XKRX: variants seen among roughly 807,000 people sequenced by gnomAD.
XKRX encodes XK related X-linked, also known as XK-related protein 2.
Under a neutral mutation model 22.4 loss-of-function variants are expected in XKRX, and 11 were observed. The ratio of observed to expected loss-of-function variants is 0.49; its 90% CI spans 0.31 to 0.81. The LOEUF (loss-of-function observed/expected upper bound fraction) is 0.81, where lower values mean the gene tolerates loss of function less well. Ranked by LOEUF, XKRX falls within the 40% of genes least tolerant of loss-of-function variation. The pLI, the probability that XKRX is intolerant of heterozygous loss-of-function variation, is 0.05. For synonymous variants in XKRX, 114 were observed against 132.2 expected (o/e 0.86, Z 0.94); for missense variants, 320 against 336.5 (o/e 0.95, Z 0.38).
At chrX:100,918,859 C>T (rs1322405746) in intron 2 of XKRX, among the ~76,000 whole-genome samples, 2 of 110,126 alleles carry the variant, frequency 1.8e-5, no homozygotes, top group African/African-American at 3.3e-5. Flanking sequence ...TCATCTTCAT[C>T]ATCCCCCTAT....
intron 1 of XKRX, among the ~76,000 whole-genome samples, chrX:100,924,996 CAA>C (rs2085492217): frequency 9.0e-6 from 1 of 111,613 alleles, no homozygotes; most frequent in African/African-American, 3.3e-5. Flanking sequence ...CTTCTAGGGA[CAA>C]ACTCTAAGAC....
chrX:100,921,429 G>T (rs895458905), intron 2 of XKRX, among the ~76,000 whole-genome samples: 3 of 111,844 alleles, frequency 2.7e-5, no homozygotes, highest in African/African-American at 9.7e-5. Flanking sequence ...TATGTGAAAA[G>T]CTTCAAGACC....
At chrX:100,909,597 A>G (rs1416120282), downstream of XKRX, among the ~76,000 whole-genome samples, 3 of 111,793 alleles carry the variant, frequency 2.7e-5, no homozygotes, top group African/African-American at 6.5e-5. Context: ...GGTTGTTGTG[A>G]GGATCGAATG....
the XKRX span, among the ~76,000 whole-genome samples, chrX:100,955,131 C>A: frequency 9.0e-6 from 1 of 110,596 alleles, no homozygotes; most frequent in African/African-American, 3.3e-5. Flanking sequence ...CTGGTGTGGG[C>A]GTGGACAGGA....
chrX:100,921,129 C>T (rs2085470216), intron 2 of XKRX, among the ~76,000 whole-genome samples: 1 of 111,628 alleles, frequency 9.0e-6, no homozygotes, highest in African/African-American at 3.3e-5. Flanking sequence ...ACCTCCTGAC[C>T]TCAGGTGATC....
In XKRX at chrX:100,915,021, C is replaced by T; in HGVS notation, c.667G>A (p.Ala223Thr). 3 of 1,211,366 alleles carry T rather than the reference C, an allele frequency of 2.5e-6. No homozygotes were observed. The highest frequency in any genetic ancestry group is 3.4e-6 in the Non-Finnish European group (3 of 895,384). Residue 223 changes from alanine to threonine, a missense_variant, in exon 3 of 3, where the codon GCT becomes ACT. Transcript: ENST00000372956. ...TYGATLCNMLAIQIKYDDYKI... is the reference protein window; with the variant it reads ...TYGATLCNMLTIQIKYDDYKI... ...TAGTCATCGTACTTGATCTGGATAG[C>T]CAACATATTGCAAAGGGTGGCCCCA...
the XKRX span, among the ~76,000 whole-genome samples, chrX:100,959,195 TTCC>T: frequency 3.6e-5 from 4 of 111,940 alleles, no homozygotes; most frequent in South Asian, 1.5e-3. Flanking sequence ...GAGTTTACTT[TTCC>T]TCCTATTGTT....
chrX:100,949,183 G>T, the XKRX span, among the ~76,000 whole-genome samples: 1 of 111,374 alleles, frequency 9.0e-6, no homozygotes, highest in Admixed American at 9.6e-5. Flanking sequence ...AAGGCTGAGT[G>T]GGGAACTAAA....
At chrX:100,933,552 A>C (rs1372883894), upstream of XKRX, among the ~76,000 whole-genome samples, 4 of 110,293 alleles carry the variant, frequency 3.6e-5, no homozygotes, top group Non-Finnish European at 7.6e-5. Context: ...TTTTTGCTAT[A>C]AACTCCCTGA....
downstream of XKRX, among the ~76,000 whole-genome samples, chrX:100,912,594 C>A (rs957789119): frequency 8.9e-6 from 1 of 111,839 alleles, no homozygotes; most frequent in Non-Finnish European, 1.9e-5. Flanking sequence ...GGACAGGAAG[C>A]CCTAGGTCAG....
rs1006887496 is a variant in XKRX, at chrX:100,928,905, C to T, written c.-601G>A. 6.9e-6 allele frequency: 5 copies of T among 722,829 alleles called. 1 individual carries two copies. The African/African-American group carries it at 9.4e-5, about 14-fold the overall frequency. 59.6% of individuals were successfully genotyped at this position (722,829 alleles called of 1,213,427 possible). A position where few individuals can be genotyped will look rare whatever the true frequency, so the allele number is the denominator to read the frequency against. On this transcript the variant is annotated 5_prime_UTR_variant, in exon 1 of 3. Transcript: ENST00000372956. ...CAGCTGGCCCGCTCACCTGCGCGCT[C>T]TCAGGACCTTTGCCGAGTCCAGGGT...
rs957106545 is a variant in XKRX at position 100,928,838 on chromosome X, T to G, written c.-534A>C. 2.1e-5 allele frequency: 16 copies of G among 753,698 alleles called. No homozygotes were observed. Among genetic ancestry groups the G allele is most frequent in the Non-Finnish European group, 2.5e-5 (16 of 640,166 alleles). 62.1% of individuals were successfully genotyped at this position (753,698 alleles called of 1,213,427 possible). Reference sequence around the variant, plus strand: ...AAGGAGGGCAGAAGAGGGGATTCAGTTCAGTGCCTAGGTATCCTAGCTATT... The same window carrying G: ...AAGGAGGGCAGAAGAGGGGATTCAGGTCAGTGCCTAGGTATCCTAGCTATT... On this transcript the variant is annotated 5_prime_UTR_variant, in exon 1 of 3. Transcript: ENST00000372956.
chrX:100,928,509 C>G lies in XKRX; in HGVS notation c.-205G>C. 9.4e-7 allele frequency: 1 copy of G among 1,069,128 alleles called. No individual in the cohort carries two copies. The highest frequency in any genetic ancestry group is 3.3e-5 in the East Asian group (1 of 30,273). The allele number at this position is 1,069,128 out of a possible 1,213,427, so 88.1% of individuals were successfully genotyped here. ...GACTTGGAGTCTGGGATGGAAAGCC[C>G]AGGAGTACCACTTTGAACTTGACTC... On this transcript the variant is annotated 5_prime_UTR_variant, in exon 1 of 3. Transcript: ENST00000372956.
the XKRX span, among the ~76,000 whole-genome samples, chrX:100,905,662 T>C: frequency 8.9e-6 from 1 of 112,160 alleles, no homozygotes; most frequent in Non-Finnish European, 1.9e-5. Context: ...ATTGTTAACA[T>C]ATGATTCTCA....
At chrX:100,910,629 G>A (rs1489180794), downstream of XKRX, 76 of 336,950 alleles carry the variant, frequency 2.3e-4, no homozygotes, top group Admixed American at 1.0e-3. Context: ...GTGCGGCCTC[G>A]GCTCGTGGGT....
intron 2 of XKRX, 60 bp downstream of exon 2, chrX:100,922,733 G>A (rs1256527540): frequency 1.8e-6 from 2 of 1,131,009 alleles, no homozygotes; most frequent in Non-Finnish European, 2.4e-6. Flanking sequence ...GACAGCTTGG[G>A]TCTAGACTTC....
At chrX:100,937,238 G>A in the XKRX span, among the ~76,000 whole-genome samples, 2 of 110,793 alleles carry the variant, frequency 1.8e-5, no homozygotes, top group Admixed American at 9.6e-5. Flanking sequence ...TGATCCACCC[G>A]CCTTGGCCTC....
the XKRX span, among the ~76,000 whole-genome samples, chrX:100,889,080 A>G: frequency 9.2e-6 from 1 of 108,532 alleles, no homozygotes; most frequent in African/African-American, 3.4e-5. Flanking sequence ...TCTCTACTAA[A>G]AATACAAAAA....
At chrX:100,926,220 C>T (rs760115634) in intron 1 of XKRX, among the ~76,000 whole-genome samples, 1 of 111,872 alleles carries the variant, frequency 8.9e-6, no homozygotes, top group East Asian at 2.8e-4. Context: ...TTTAGACTAA[C>T]CCATTTGCTT....
Sources: gnomAD v4.1 joint callset for allele counts (sites outside exome capture counted in the v4.1 genomes callset) on GRCh38, gnomAD v4.1.1 for gene constraint, MANE v1.5 for transcripts, NCBI Gene and HGNC (gene_info 2026-07-23, HGNC 2026-07-21) for gene names.